Variants in DCC observed in about 807,000 individuals in gnomAD.
The protein encoded by DCC is netrin receptor DCC.
In DCC, 58 loss-of-function variants were observed where a neutral mutation model predicts 172.5. The observed-to-expected ratio is 0.34, with a 90% CI of 0.27 to 0.42. DCC has a LOEUF of 0.42. DCC is among the 10% of genes least tolerant of loss of function. The pLI, the probability that DCC is intolerant of heterozygous loss-of-function variation, is 1.00. For missense variants in DCC, 1,740 were observed against 1,791.0 expected, an observed-to-expected ratio of 0.97 and a Z score of 0.51; for synonymous variants, 709 against 644.5, an observed-to-expected ratio of 1.10 and a Z score of -1.52.
intron 5 of DCC, among the ~76,000 whole-genome samples, chr18:52,965,863 A>T (rs780209876): frequency 6.6e-6 from 1 of 152,136 alleles, no homozygotes; most frequent in Non-Finnish European, 1.5e-5. Flanking sequence ...AATGATTTGC[A>T]CTTGAGTTAA....
intron 5 of DCC, among the ~76,000 whole-genome samples, chr18:53,050,071 CT>C (rs150713947): frequency 0.078 from 11,799 of 152,110 alleles, 1,355 homozygotes; most frequent in African/African-American, 0.25. Flanking sequence ...AACTTAGAGT[CT>C]GATGTTCAAG....
chr18:53,356,392 G>A (rs2057878181), intron 15 of DCC, among the ~76,000 whole-genome samples: 1 of 151,522 alleles, frequency 6.6e-6, no homozygotes. Flanking sequence ...TTTTTATTTT[G>A]TTGGGTGCTA....
intron 1 of DCC, among the ~76,000 whole-genome samples, chr18:52,665,699 C>G (rs546940731): frequency 1.3e-5 from 2 of 152,134 alleles, no homozygotes; most frequent in African/African-American, 4.8e-5. Context: ...AGTTTACTAC[C>G]GACTTTAAGT....
At chr18:52,945,637 G>T (rs111292807) in intron 5 of DCC, among the ~76,000 whole-genome samples, 16 of 152,134 alleles carry the variant, frequency 1.1e-4, no homozygotes, top group Non-Finnish European at 1.8e-4. Context: ...GTTGATGCTG[G>T]CACTGCCAGT....
At chr18:53,512,184 C>G (rs1424644601) in intron 27 of DCC, among the ~76,000 whole-genome samples, 1 of 113,834 alleles carries the variant, frequency 8.8e-6, no homozygotes, top group Non-Finnish European at 1.8e-5. Flanking sequence ...CTGGGAGGCA[C>G]CCCCCAGCAG....
chr18:52,681,336 T>C (rs1434415018), intron 1 of DCC, among the ~76,000 whole-genome samples: 1 of 152,040 alleles, frequency 6.6e-6, no homozygotes, highest in Non-Finnish European at 1.5e-5. Flanking sequence ...ACATATCAAC[T>C]ATTTTTGGAA....
At chr18:53,004,127 T>G (rs1361975974) in intron 5 of DCC, among the ~76,000 whole-genome samples, 1 of 152,188 alleles carries the variant, frequency 6.6e-6, no homozygotes, top group Non-Finnish European at 1.5e-5. Context: ...AGAAATGTGT[T>G]TGGTTCCTTT....
chr18:53,507,472 C>T (rs1196829554), intron 27 of DCC, among the ~76,000 whole-genome samples: 4 of 152,190 alleles, frequency 2.6e-5, no homozygotes, highest in Admixed American at 6.5e-5. Flanking sequence ...GACTTATAAA[C>T]GAATTCAGGT....
At chr18:52,552,539 A>G (rs2032804118) in intron 1 of DCC, among the ~76,000 whole-genome samples, 1 of 152,062 alleles carries the variant, frequency 6.6e-6, no homozygotes. Context: ...TAAGAAGTGT[A>G]TATTTATCAA....
intron 5 of DCC, among the ~76,000 whole-genome samples, chr18:52,952,980 A>G (rs1228772216): frequency 7.8e-6 from 1 of 128,140 alleles, no homozygotes; most frequent in Non-Finnish European, 1.6e-5. Context: ...CCTGGGCACC[A>G]CAGTAAGACT....
chr18:53,345,761 AT>A (rs146002209), intron 15 of DCC, among the ~76,000 whole-genome samples: 11 of 149,184 alleles, frequency 7.4e-5, no homozygotes, highest in South Asian at 4.2e-4. Flanking sequence ...GCATTGACAG[AT>A]TTTTTTTTTC....
At chr18:52,523,216 C>G (rs2031873787) in intron 1 of DCC, among the ~76,000 whole-genome samples, 2 of 152,066 alleles carry the variant, frequency 1.3e-5, no homozygotes, top group South Asian at 4.1e-4. Flanking sequence ...ATATAAGAAG[C>G]AGCTGAGGTG....
chr18:53,105,822 C>T (rs1486102598), intron 7 of DCC, among the ~76,000 whole-genome samples: 1 of 151,708 alleles, frequency 6.6e-6, no homozygotes, highest in African/African-American at 2.4e-5. Context: ...GTCTCATACC[C>T]TCACTTTCTG....
intron 1 of DCC, among the ~76,000 whole-genome samples, chr18:52,447,871 A>C (rs1434595614): frequency 6.6e-6 from 1 of 152,176 alleles, no homozygotes; most frequent in African/African-American, 2.4e-5. Flanking sequence ...TGAATCATTC[A>C]TAAGAAATCC....
At chr18:52,844,320 GCAGA>G (rs10643611) in intron 2 of DCC, among the ~76,000 whole-genome samples, 33 of 151,130 alleles carry the variant, frequency 2.2e-4, no homozygotes, top group African/African-American at 6.8e-4. Context: ...ACATAGATAG[GCAGA>G]CAGACAGACA....
At chr18:53,190,717 C>T (rs143752879) in intron 9 of DCC, among the ~76,000 whole-genome samples, 3,199 of 152,166 alleles carry the variant, frequency 0.021, 110 homozygotes, top group African/African-American at 0.072. Flanking sequence ...GAGGCTGAGG[C>T]GGGTGGATCA....
chr18:53,136,739 A>G (rs1444292894), intron 7 of DCC, among the ~76,000 whole-genome samples: 1 of 152,156 alleles, frequency 6.6e-6, no homozygotes, highest in Non-Finnish European at 1.5e-5. Flanking sequence ...CAAATTGTGT[A>G]TGGGCACAGT....
At chr18:53,421,559 T>A (rs1184299060) in intron 21 of DCC, among the ~76,000 whole-genome samples, 1 of 152,180 alleles carries the variant, frequency 6.6e-6, no homozygotes, top group African/African-American at 2.4e-5. Flanking sequence ...ATTACTCTCC[T>A]GTGAATTGTG....
At chr18:53,526,926 G>C (rs779281183) in intron 28 of DCC, 167 bp downstream of exon 28, 17 of 693,396 alleles carry the variant, frequency 2.5e-5, no homozygotes, top group Non-Finnish European at 4.2e-5. Context: ...ATATGAAGAG[G>C]AAATAAAAGC....
Sources: allele counts gnomAD v4.1 joint callset (sites outside exome capture counted in the v4.1 genomes callset), GRCh38; gene constraint gnomAD v4.1.1; transcripts MANE v1.5; gene names NCBI Gene and HGNC (gene_info 2026-07-23, HGNC 2026-07-21).